The following GRID2 variants were observed in gnomAD, a reference collection of about 807,000 sequenced individuals.
GRID2 encodes the protein glutamate ionotropic receptor delta type subunit 2.
Under a neutral mutation model 114.8 loss-of-function variants are expected in GRID2, and 33 were observed. That is an observed-to-expected ratio of 0.29 (90% confidence interval 0.22 to 0.38). The LOEUF (loss-of-function observed/expected upper bound fraction) is 0.38, where lower values mean the gene tolerates loss of function less well. Ranked by LOEUF, GRID2 falls within the 10% of genes least tolerant of loss-of-function variation. The pLI is 1.00. For missense variants in GRID2, 1,184 were observed against 1,257.7 expected (o/e 0.94, Z 0.89); for synonymous variants, 505 against 449.9 (o/e 1.12, Z -1.55).
At chr4:93,355,357 G>A (rs1489436187) in intron 8 of GRID2, among the ~76,000 whole-genome samples, 2 of 152,030 alleles carry the variant, frequency 1.3e-5, no homozygotes, top group Non-Finnish European at 2.9e-5. Context: ...GGTCACTTGT[G>A]TGATTGGCAG....
chr4:93,365,104 A>G (rs1762216458), intron 8 of GRID2, among the ~76,000 whole-genome samples: 1 of 152,068 alleles, frequency 6.6e-6, no homozygotes, highest in Non-Finnish European at 1.5e-5. Context: ...CATTGTTTAA[A>G]GGCATTCATC....
chr4:93,077,672 T>C (rs905628198), intron 2 of GRID2, among the ~76,000 whole-genome samples: 3 of 152,200 alleles, frequency 2.0e-5, no homozygotes, highest in African/African-American at 7.2e-5. Flanking sequence ...TTACCTATAA[T>C]GACCAAATAT....
chr4:92,819,997 TA>T (rs1741169247), intron 2 of GRID2, among the ~76,000 whole-genome samples: 1 of 152,150 alleles, frequency 6.6e-6, no homozygotes, highest in African/African-American at 2.4e-5. Context: ...ACCAATTGCG[TA>T]GTACCATTTA....
chr4:93,648,880 C>T (rs540874154), intron 14 of GRID2, among the ~76,000 whole-genome samples: 44 of 152,200 alleles, frequency 2.9e-4, no homozygotes, highest in Middle Eastern at 6.8e-3. Context: ...TATGCAAACA[C>T]ATACAGTTGC....
intron 7 of GRID2, among the ~76,000 whole-genome samples, chr4:93,228,482 G>A (rs1271855361): frequency 6.6e-6 from 1 of 152,134 alleles, no homozygotes; most frequent in African/African-American, 2.4e-5. Flanking sequence ...TTTTGGTGGG[G>A]ATTTCAAACC....
chr4:92,915,774 G>A (rs1181812111), intron 2 of GRID2, among the ~76,000 whole-genome samples: 1 of 152,030 alleles, frequency 6.6e-6, no homozygotes, highest in Non-Finnish European at 1.5e-5. Context: ...GGTGTGAGAT[G>A]GTATCTCATT....
At chr4:93,798,759 T>A (rs1734859104) in intron 1 of GRID2, among the ~76,000 whole-genome samples, 1 of 152,208 alleles carries the variant, frequency 6.6e-6, no homozygotes. Context: ...TCTCTACCTT[T>A]CCAATGCCTC....
At chr4:92,471,603 G>A (rs1722037762) in intron 1 of GRID2, among the ~76,000 whole-genome samples, 2 of 151,938 alleles carry the variant, frequency 1.3e-5, no homozygotes, top group South Asian at 4.1e-4. Context: ...ATTTACACAT[G>A]CATTTTAAAA....
chr4:92,774,295 T>A (rs1738681925), intron 2 of GRID2, among the ~76,000 whole-genome samples: 1 of 152,068 alleles, frequency 6.6e-6, no homozygotes, highest in African/African-American at 2.4e-5. Context: ...CCACAAAATG[T>A]CAACAACCCA....
At chr4:93,534,592 T>C (rs1731838134) in intron 13 of GRID2, among the ~76,000 whole-genome samples, 4 of 152,106 alleles carry the variant, frequency 2.6e-5, no homozygotes, top group African/African-American at 9.7e-5. Flanking sequence ...TAGAAGATTC[T>C]CAATAACTAA....
intron 2 of GRID2, among the ~76,000 whole-genome samples, chr4:92,825,496 CAG>C (rs1258693535): frequency 2.0e-5 from 3 of 152,156 alleles, no homozygotes; most frequent in Non-Finnish European, 4.4e-5. Flanking sequence ...ATGCCATAAA[CAG>C]AACACCTCCA....
chr4:93,514,403 G>T (rs867120903), intron 12 of GRID2, among the ~76,000 whole-genome samples: 1 of 139,526 alleles, frequency 7.2e-6, no homozygotes, highest in African/African-American at 2.7e-5. Context: ...AATAGAAATC[G>T]CTCCCCCCAC....
chr4:92,698,028 G>A (rs1734501877), intron 2 of GRID2, among the ~76,000 whole-genome samples: 1 of 152,082 alleles, frequency 6.6e-6, no homozygotes, highest in Non-Finnish European at 1.5e-5. Context: ...AACTCATTCT[G>A]AAAAAAGTTA....
intron 2 of GRID2, among the ~76,000 whole-genome samples, chr4:92,924,061 A>G (rs1290776213): frequency 1.3e-5 from 2 of 152,204 alleles, no homozygotes; most frequent in Non-Finnish European, 2.9e-5. Context: ...ATGGAATACT[A>G]TGCAGCCATA....
At chr4:93,797,842 G>GAAAA (rs10536515) in intron 1 of GRID2, among the ~76,000 whole-genome samples, 1 of 128,086 alleles carries the variant, frequency 7.8e-6, no homozygotes. Flanking sequence ...TCCCCAGGAT[G>GAAAA]AAAAAAAAAA....
At chr4:93,398,781 T>C (rs1425035581) in intron 9 of GRID2, among the ~76,000 whole-genome samples, 1 of 150,102 alleles carries the variant, frequency 6.7e-6, no homozygotes, top group South Asian at 2.1e-4. Context: ...TCTTCTATGA[T>C]GGACTTATCA....
Position 92,838,457 on chromosome 4 carries a change from A to G in GRID2, c.245-246538A>G, listed in dbSNP as rs1742633122. 2.6e-5 allele frequency among the ~76,000 whole-genome samples: 4 copies of G among 152,212 alleles called. No homozygotes were observed. The South Asian group carries it at 8.3e-4, about 32-fold the overall frequency. ...TGGATGCAAGTTCTCTGTACTATAT[A>G]CAGTATTCCTAGCTTTTAGCAAATC... On this transcript the variant is annotated intron_variant, in intron 2 of 15. Coordinates refer to ENST00000282020, the MANE Select transcript of GRID2 (RefSeq NM_001510.4).
chr4:93,080,201 T>C (rs968746121), intron 2 of GRID2, among the ~76,000 whole-genome samples: 5 of 152,110 alleles, frequency 3.3e-5, no homozygotes, highest in African/African-American at 9.7e-5. Context: ...AAAGCAAATG[T>C]CTGGAGCTTT....
chr4:93,466,022 T>TG (rs971914120), intron 11 of GRID2, among the ~76,000 whole-genome samples: 17 of 152,206 alleles, frequency 1.1e-4, no homozygotes, highest in African/African-American at 3.9e-4. Context: ...GTAAATTCTT[T>TG]GGGGCTCATA....
Sources: gnomAD v4.1 joint callset for allele counts (sites outside exome capture counted in the v4.1 genomes callset) on GRCh38, gnomAD v4.1.1 for gene constraint, MANE v1.5 for transcripts, NCBI Gene and HGNC (gene_info 2026-07-23, HGNC 2026-07-21) for gene names.